PRLR: variants seen among roughly 807,000 people sequenced by gnomAD.
PRLR encodes the protein hPRL receptor.
A neutral mutation model predicts 40.2 loss-of-function variants in PRLR; 13 were observed. The ratio of observed to expected loss-of-function variants is 0.32; its 90% CI spans 0.21 to 0.51. The LOEUF (loss-of-function observed/expected upper bound fraction) is 0.51. Ranked by LOEUF, PRLR falls within the 20% of genes least tolerant of loss-of-function variation. The probability of loss-of-function intolerance (pLI) is 0.97; values close to 1 mark genes in which losing one functional copy is unlikely to be tolerated. For synonymous variants in PRLR, 269 were observed against 278.7 expected, an observed-to-expected ratio of 0.97 and a Z score of 0.35; for missense variants, 656 against 747.3, an observed-to-expected ratio of 0.88 and a Z score of 1.42.
At chr5:35,112,415 A>T (rs1320079446) in intron 2 of PRLR, among the ~76,000 whole-genome samples, 1 of 152,026 alleles carries the variant, frequency 6.6e-6, no homozygotes, top group African/African-American at 2.4e-5. Context: ...TGCTTGTTTT[A>T]CTCTGGCCCC....
chr5:35,096,658 A>T (rs1771552097), intron 2 of PRLR, among the ~76,000 whole-genome samples: 1 of 150,596 alleles, frequency 6.6e-6, no homozygotes, highest in Admixed American at 6.6e-5. Flanking sequence ...TCTTGTTCTG[A>T]CACCCAGGCA....
At chr5:35,054,339 T>A (rs1242350848), downstream of PRLR, among the ~76,000 whole-genome samples, 1 of 152,202 alleles carries the variant, frequency 6.6e-6, no homozygotes, top group Non-Finnish European at 1.5e-5. Context: ...TTGCACATAT[T>A]CCAGTGAGAC....
chr5:35,094,071 TC>T lies in PRLR; in HGVS notation c.-43-4409del, dbSNP rs1302546132. Among the ~76,000 whole-genome samples the T allele has an allele frequency of 7.9e-5, 12 of 152,318 alleles. 1 individual carries two copies. Among genetic ancestry groups the T allele is most frequent in the Admixed American group, 6.5e-4 (10 of 15,294 alleles). ...CATGAAGCGACACTTATGACTGTAT[TC>T]TGCTCAATGAAGTATCACAAAAAGA... On this transcript the variant is annotated intron_variant, in intron 2 of 9. Coordinates refer to ENST00000618457, the MANE Select transcript of PRLR (RefSeq NM_000949.7).
chr5:35,166,739 T>A (rs932570191), intron 1 of PRLR, among the ~76,000 whole-genome samples: 1 of 152,176 alleles, frequency 6.6e-6, no homozygotes, highest in African/African-American at 2.4e-5. Context: ...GAATACAAGT[T>A]GTGAGGCACA....
chr5:35,203,360 T>C, intron 1 of PRLR, among the ~76,000 whole-genome samples: 1 of 152,194 alleles, frequency 6.6e-6, no homozygotes, highest in East Asian at 1.9e-4. Flanking sequence ...GCAGATGTCT[T>C]GCTCAGCAGA....
At chr5:35,180,258 G>C (rs1775258596) in intron 1 of PRLR, among the ~76,000 whole-genome samples, 1 of 152,184 alleles carries the variant, frequency 6.6e-6, no homozygotes. Context: ...CTCACCTCCT[G>C]CTGTGTGGCC....
chr5:35,138,448 G>T (rs954178609), intron 1 of PRLR, among the ~76,000 whole-genome samples: 1 of 151,974 alleles, frequency 6.6e-6, no homozygotes, highest in Admixed American at 6.6e-5. Flanking sequence ...TTTATTTTTT[G>T]ATTTGTTTGC....
rs1156808569 is a variant in PRLR at position 35,056,017 on chromosome 5, C to T, written c.*9072G>A. The T allele has an allele frequency of 6.6e-6, 1 of 152,190 alleles. No individual in the cohort carries two copies. Among genetic ancestry groups the T allele is most frequent in the African/African-American group, 2.4e-5 (1 of 41,460 alleles). 9.4% of individuals were successfully genotyped at this position (152,190 alleles called of 1,614,324 possible). Reference sequence around the variant, plus strand: ...TTTTCTTACACCAGTATTCACCAATCAACATCCATGCGGTGTTTTATTTGA... The same window carrying T: ...TTTTCTTACACCAGTATTCACCAATTAACATCCATGCGGTGTTTTATTTGA... On this transcript the variant is annotated 3_prime_UTR_variant, in exon 10 of 10. Transcript: ENST00000618457.
At chr5:35,207,832 C>T (rs989729803) in intron 1 of PRLR, among the ~76,000 whole-genome samples, 5 of 151,892 alleles carry the variant, frequency 3.3e-5, no homozygotes, top group African/African-American at 9.7e-5. Context: ...CTTGGGAGGA[C>T]GCATTGGCAA....
At chr5:35,129,158 C>T (rs1308540274) in intron 1 of PRLR, among the ~76,000 whole-genome samples, 1 of 152,170 alleles carries the variant, frequency 6.6e-6, no homozygotes, top group Non-Finnish European at 1.5e-5. Context: ...ATGTAGGCAG[C>T]TTTCATTTCT....
rs142971938 is a variant in PRLR at position 35,129,414 on chromosome 5, A to T, written c.-105-11292T>A. Among the ~76,000 whole-genome samples, 4 of 152,272 alleles carry T rather than the reference A, an allele frequency of 2.6e-5. No homozygotes were observed. The East Asian group carries it at 7.7e-4, about 29-fold the overall frequency. ...CTCAGATTTCCTGCATCCTTAAGGT[A>T]TTGGCCAGATGAGTCACTGTGGAAC... On this transcript the variant is annotated intron_variant, in intron 1 of 9. Transcript: ENST00000618457.
intron 3 of PRLR, 22 bp downstream of exon 3, chr5:35,089,529 A>T (rs752611077): frequency 6.5e-7 from 1 of 1,540,144 alleles, no homozygotes; most frequent in Non-Finnish European, 9.0e-7. Context: ...AATGAAAGAG[A>T]GCGTGATAGC....
intron 1 of PRLR, among the ~76,000 whole-genome samples, chr5:35,167,916 C>T (rs962387944): frequency 5.3e-5 from 8 of 151,808 alleles, no homozygotes; most frequent in Admixed American, 3.3e-4. Context: ...AAAAGAAATA[C>T]TAAGATGGTA....
intron 1 of PRLR, among the ~76,000 whole-genome samples, chr5:35,156,708 T>G (rs1418832884): frequency 2.6e-5 from 4 of 152,176 alleles, no homozygotes; most frequent in African/African-American, 9.6e-5. Flanking sequence ...TCTCAGATAT[T>G]GTGCTCAAAG....
chr5:35,162,660 C>T (rs4703503), intron 1 of PRLR, among the ~76,000 whole-genome samples: 36,347 of 152,004 alleles, frequency 0.24, 5,220 homozygotes, highest in East Asian at 0.7. Context: ...TAAGCTGGTC[C>T]AGTTGTTTCA....
chr5:35,095,900 G>C (rs1232864493), intron 2 of PRLR, among the ~76,000 whole-genome samples: 4 of 152,206 alleles, frequency 2.6e-5, no homozygotes, highest in Admixed American at 1.3e-4. Flanking sequence ...CTGCTGTAAA[G>C]TGTTCACCTC....
In PRLR at chr5:35,065,490, T is replaced by G; in HGVS notation, c.1468A>C (p.Thr490Pro). Residue 490 changes from threonine to proline, a missense_variant, in exon 10 of 10, where the codon ACG (threonine) becomes CCG (proline). Transcript: ENST00000618457. ...TTCTCCTGGGGCAGCAGCCAGGGCG[T>G]ATCCTGGTCAGTCTCAGAATGGAAG... is the stretch of plus-strand genomic sequence containing the variant. ...ESFHSETDQD[T>P]PWLLPQEKTP... 6.2e-7 allele frequency: 1 copy of G among 1,614,152 alleles called. No homozygotes were observed. Among genetic ancestry groups the G allele is most frequent in the Non-Finnish European group, 8.5e-7 (1 of 1,180,028 alleles).
At chr5:35,227,181 T>C (rs909363718) in intron 1 of PRLR, among the ~76,000 whole-genome samples, 4 of 152,232 alleles carry the variant, frequency 2.6e-5, no homozygotes, top group African/African-American at 7.2e-5. Context: ...CCCGTTAATA[T>C]GTATCACAAG....
At chr5:35,098,048 C>T (rs1041241876) in intron 2 of PRLR, among the ~76,000 whole-genome samples, 1 of 152,166 alleles carries the variant, frequency 6.6e-6, no homozygotes, top group Non-Finnish European at 1.5e-5. Flanking sequence ...TGCTTCCTCC[C>T]AGCCATAGGA....
Sources: allele counts gnomAD v4.1 joint callset (sites outside exome capture counted in the v4.1 genomes callset), GRCh38; gene constraint gnomAD v4.1.1; transcripts MANE v1.5; gene names NCBI Gene and HGNC (gene_info 2026-07-23, HGNC 2026-07-21).